SMOC1: variants seen among roughly 807,000 people sequenced by gnomAD.
SMOC1 encodes SPARC-related modular calcium-binding protein 1.
SMOC1 carries 22 observed loss-of-function variants against 56.3 expected under a neutral mutation model. The observed-to-expected ratio is 0.39, with a 90% CI of 0.28 to 0.56. The LOEUF is 0.56. Ranked by LOEUF, SMOC1 falls within the 20% of genes least tolerant of loss-of-function variation. The pLI, the probability that SMOC1 is intolerant of heterozygous loss-of-function variation, is 0.61. For synonymous variants in SMOC1, 193 were observed against 215.0 expected (o/e 0.90, Z 0.89); for missense variants, 509 against 565.4 (o/e 0.90, Z 1.01).
intron 1 of SMOC1, among the ~76,000 whole-genome samples, chr14:69,894,323 G>A (rs1362493374): frequency 6.6e-6 from 1 of 152,192 alleles, no homozygotes; most frequent in Non-Finnish European, 1.5e-5. Flanking sequence ...AGGGAAAAGA[G>A]AATTAGCTTT....
rs547286773 is a variant in SMOC1 at position 69,927,571 on chromosome 14, G to A, written c.100-24567G>A. Among the ~76,000 whole-genome samples, 24 of 152,312 alleles carry A rather than the reference G, an allele frequency of 1.6e-4. No individual in the cohort carries two copies. In the East Asian group the frequency reaches 4.6e-3, roughly 29 times the overall value. ...AGTGCCTGTGGTCCCTGCTACTTGGGAGGCTGAGGTGGGAGGATTGCCTGA... is the reference window on the plus strand; with the variant it reads ...AGTGCCTGTGGTCCCTGCTACTTGGAAGGCTGAGGTGGGAGGATTGCCTGA... On this transcript the variant is annotated intron_variant, in intron 1 of 11. Transcript: ENST00000361956.
intron 10 of SMOC1, among the ~76,000 whole-genome samples, chr14:70,022,640 A>G (rs1885767793): frequency 6.6e-6 from 1 of 152,066 alleles, no homozygotes; most frequent in Non-Finnish European, 1.5e-5. Context: ...GGAACCTCAC[A>G]CCCCACATTC....
At chr14:69,972,191 G>A (rs1883785603) in intron 3 of SMOC1, among the ~76,000 whole-genome samples, 1 of 152,180 alleles carries the variant, frequency 6.6e-6, no homozygotes, top group African/African-American at 2.4e-5. Context: ...GGCGGAGCTG[G>A]GAGGTGCTGG....
intron 1 of SMOC1, among the ~76,000 whole-genome samples, chr14:69,925,763 G>A (rs1233561148): frequency 6.6e-6 from 1 of 152,190 alleles, no homozygotes. Flanking sequence ...ACCTGGAGGG[G>A]TTCACTGTAG....
intron 1 of SMOC1, among the ~76,000 whole-genome samples, chr14:69,911,209 G>C (rs1218303075): frequency 2.0e-5 from 3 of 152,152 alleles, no homozygotes; most frequent in Admixed American, 6.5e-5. Flanking sequence ...GTCTACCACT[G>C]TGTTAGATTT....
chr14:69,971,256 G>A (rs571752812), intron 3 of SMOC1, among the ~76,000 whole-genome samples: 1 of 152,254 alleles, frequency 6.6e-6, no homozygotes, highest in African/African-American at 2.4e-5. Flanking sequence ...GATCTCCAGT[G>A]ATCTGCCTGC....
At chr14:69,899,992 C>T (rs1884200349) in intron 1 of SMOC1, among the ~76,000 whole-genome samples, 1 of 152,158 alleles carries the variant, frequency 6.6e-6, no homozygotes, top group Non-Finnish European at 1.5e-5. Flanking sequence ...CAGCTTTTTA[C>T]TTGTTGTTAG....
chr14:69,880,570 C>T (rs1161901536), intron 1 of SMOC1, among the ~76,000 whole-genome samples: 2 of 152,168 alleles, frequency 1.3e-5, no homozygotes, highest in Non-Finnish European at 2.9e-5. Context: ...AGATTATCCC[C>T]GCAACACCCC....
At chr14:70,013,610 TC>T in intron 10 of SMOC1, 119 bp downstream of exon 10, 1 of 861,964 alleles carries the variant, frequency 1.2e-6, no homozygotes, top group Non-Finnish European at 1.9e-6. Context: ...TGGAAGTTGA[TC>T]TTTTTCCTGA....
chr14:69,987,094 C>A (rs1594840330), intron 5 of SMOC1, among the ~76,000 whole-genome samples: 1 of 152,322 alleles, frequency 6.6e-6, no homozygotes, highest in East Asian at 1.9e-4. Flanking sequence ...GAGTTGTCTC[C>A]ACTTCCACAT....
chr14:69,922,683 C>A (rs975351134), intron 1 of SMOC1, among the ~76,000 whole-genome samples: 5 of 152,108 alleles, frequency 3.3e-5, no homozygotes, highest in African/African-American at 1.2e-4. Context: ...ATCATATGCA[C>A]CCAAACTTTG....
chr14:70,021,659 T>C (rs1305493014), intron 10 of SMOC1, among the ~76,000 whole-genome samples: 1 of 152,178 alleles, frequency 6.6e-6, no homozygotes, highest in African/African-American at 2.4e-5. Context: ...TGCTCAAGAC[T>C]GAAATTCAGC....
intron 10 of SMOC1, among the ~76,000 whole-genome samples, chr14:70,019,046 C>T (rs781756579): frequency 1.3e-5 from 2 of 152,216 alleles, no homozygotes; most frequent in African/African-American, 4.8e-5. Context: ...TTGTGGTAAA[C>T]GGAGCTGGCT....
At chr14:69,967,050 A>G (rs1883602130) in intron 3 of SMOC1, among the ~76,000 whole-genome samples, 1 of 152,210 alleles carries the variant, frequency 6.6e-6, no homozygotes, top group African/African-American at 2.4e-5. Flanking sequence ...TGTGGTCATG[A>G]GCAGGCTGGG....
intron 1 of SMOC1, among the ~76,000 whole-genome samples, chr14:69,935,987 G>A (rs961056083): frequency 3.9e-5 from 6 of 152,210 alleles, no homozygotes; most frequent in Non-Finnish European, 5.9e-5. Flanking sequence ...CGAATGCCAG[G>A]GGAGTTTTGT....
At chr14:69,908,167 A>G (rs557724498) in intron 1 of SMOC1, among the ~76,000 whole-genome samples, 1 of 152,174 alleles carries the variant, frequency 6.6e-6, no homozygotes, top group African/African-American at 2.4e-5. Flanking sequence ...GTAAAACATC[A>G]TATTGTAGAG....
chr14:69,979,201 C>T (rs968989011), intron 5 of SMOC1, among the ~76,000 whole-genome samples: 1 of 152,066 alleles, frequency 6.6e-6, no homozygotes, highest in Non-Finnish European at 1.5e-5. Context: ...GCCTCCAGTG[C>T]TTATGCCATG....
intron 1 of SMOC1, among the ~76,000 whole-genome samples, chr14:69,915,879 T>C (rs1212247923): frequency 6.6e-6 from 1 of 152,218 alleles, no homozygotes; most frequent in Non-Finnish European, 1.5e-5. Flanking sequence ...CCCTCATCTC[T>C]CTCACCCATA....
chr14:70,007,448 T>C (rs758560769), intron 7 of SMOC1, among the ~76,000 whole-genome samples: 1 of 152,216 alleles, frequency 6.6e-6, no homozygotes, highest in Non-Finnish European at 1.5e-5. Context: ...AGGTACAAGA[T>C]TTGTAGCGTG....
Sources: gnomAD v4.1 joint callset for allele counts (sites outside exome capture counted in the v4.1 genomes callset) on GRCh38, gnomAD v4.1.1 for gene constraint, MANE v1.5 for transcripts, NCBI Gene and HGNC (gene_info 2026-07-23, HGNC 2026-07-21) for gene names.